Variants in HPS3 observed in about 807,000 individuals in gnomAD.
The protein encoded by HPS3 is BLOC-2 complex member HPS3.
A neutral mutation model predicts 110.9 loss-of-function variants in HPS3; 79 were observed. The observed-to-expected ratio is 0.71, with a 90% confidence interval of 0.59 to 0.86. The LOEUF (loss-of-function observed/expected upper bound fraction) is 0.86, where lower values mean the gene tolerates loss of function less well. HPS3 is among the 40% of genes least tolerant of loss of function. The pLI, the probability that HPS3 is intolerant of heterozygous loss-of-function variation, is 0.00. For synonymous variants in HPS3, 428 were observed against 451.0 expected, an observed-to-expected ratio of 0.95 and a Z score of 0.65; for missense variants, 1,197 against 1,206.2, an observed-to-expected ratio of 0.99 and a Z score of 0.11.
At chr3:149,155,452 C>G (rs1307756435) in intron 8 of HPS3, among the ~76,000 whole-genome samples, 1 of 152,134 alleles carries the variant, frequency 6.6e-6, no homozygotes, top group Non-Finnish European at 1.5e-5. Flanking sequence ...ACCCACTCTC[C>G]TAAGAAGATC....
intron 16 of HPS3, 73 bp from the exon 17 acceptor site, chr3:149,172,022 G>A: frequency 6.7e-7 from 1 of 1,498,046 alleles, no homozygotes; most frequent in East Asian, 2.3e-5. Context: ...GCTTCTAATT[G>A]GTTGGTTAAG....
Position 149,129,712 on chromosome 3 carries a change from C to T in HPS3, c.-12C>T. On this transcript the variant is annotated 5_prime_UTR_variant, in exon 1 of 17. Coordinates refer to ENST00000296051, the MANE Select transcript of HPS3 (RefSeq NM_032383.5). Reference sequence around the variant, plus strand: ...AGGGCGGGCAGGCTGTGCCATCCCGCCGGACGTCGGGATGGTGCAGCTGTA... The same window carrying T: ...AGGGCGGGCAGGCTGTGCCATCCCGTCGGACGTCGGGATGGTGCAGCTGTA... The T allele has an allele frequency of 6.4e-7, 1 of 1,568,664 alleles. No homozygotes were observed. The highest frequency in any genetic ancestry group is 8.6e-7 in the Non-Finnish European group (1 of 1,158,890).
intron 14 of HPS3, among the ~76,000 whole-genome samples, chr3:149,165,248 A>G (rs929802798): frequency 1.3e-5 from 2 of 152,198 alleles, no homozygotes; most frequent in Non-Finnish European, 2.9e-5. Context: ...GATCATACAC[A>G]CTAATTACAT....
rs1189093183 is a variant in HPS3, at chr3:149,129,710, C to T, written c.-14C>T. On this transcript the variant is annotated 5_prime_UTR_variant, in exon 1 of 17. Transcript: ENST00000296051. ...GCAGGGCGGGCAGGCTGTGCCATCC[C>T]GCCGGACGTCGGGATGGTGCAGCTG... is the stretch of plus-strand genomic sequence containing the variant. 2.6e-6 allele frequency: 4 copies of T among 1,566,234 alleles called. No homozygotes were observed. The highest frequency in any genetic ancestry group is 1.7e-5 in the Admixed American group (1 of 57,224).
At position 149,141,200 on chromosome 3, in the gene HPS3, C is replaced by CCTTTT; in HGVS notation, c.884+12_884+13insCTTTT. On this transcript the variant is annotated intron_variant, in intron 3 of 16. Transcript: ENST00000296051. ...CACCTGCTCTATAGGTATTATAGTG[C>CCTTTT]TTTTTTTTTTTTTACCAGCATTTTA... 1.3e-6 allele frequency: 2 copies of CCTTTT among 1,525,378 alleles called. No individual in the cohort carries two copies. Among genetic ancestry groups the CCTTTT allele is most frequent in the Non-Finnish European group, 9.0e-7 (1 of 1,116,482 alleles). 94.5% of individuals were successfully genotyped at this position (1,525,378 alleles called of 1,614,324 possible).
intron 1 of HPS3, among the ~76,000 whole-genome samples, chr3:149,135,248 C>CT (rs1559905772): frequency 6.6e-6 from 1 of 152,146 alleles, no homozygotes; most frequent in Non-Finnish European, 1.5e-5. Flanking sequence ...ATGGGGACCT[C>CT]TGACATCGTC....
At chr3:149,147,902 C>G (rs573178196) in intron 5 of HPS3, among the ~76,000 whole-genome samples, 7 of 152,132 alleles carry the variant, frequency 4.6e-5, no homozygotes, top group Non-Finnish European at 7.4e-5. Context: ...CGGAGTTTCT[C>G]TTTTGTTGCC....
chr3:149,142,856 A>T (rs1722559690), intron 4 of HPS3, among the ~76,000 whole-genome samples: 1 of 152,136 alleles, frequency 6.6e-6, no homozygotes, highest in Non-Finnish European at 1.5e-5. Context: ...GTGACAGCCT[A>T]TAACAAAAGA....
At position 149,160,109 on chromosome 3, in the gene HPS3, C is replaced by G. The variant is rs767654406; in HGVS notation, c.1936C>G (p.Leu646Val). The G allele has an allele frequency of 1.2e-6, 2 of 1,613,836 alleles. No homozygotes were observed. Among genetic ancestry groups the G allele is most frequent in the Non-Finnish European group, 1.7e-6 (2 of 1,179,890 alleles). Reference sequence around the variant, plus strand: ...TGAGCCAAAGCAAGTGCCCCATATTCTCTGTAGTCCTTCTATGAAGAATAT... The same window carrying G: ...TGAGCCAAAGCAAGTGCCCCATATTGTCTGTAGTCCTTCTATGAAGAATAT... The part of the protein sequence containing the change: ...VAEPKQVPHI[L>V]CSPSMKNINP... The change falls in exon 11 of 17, where the codon CTC becomes GTC. Residue 646 changes from leucine (L) to valine (V), a missense_variant. Transcript: ENST00000296051.
At chr3:149,159,742 T>C (rs1723672402) in intron 10 of HPS3, among the ~76,000 whole-genome samples, 1 of 152,224 alleles carries the variant, frequency 6.6e-6, no homozygotes, top group Non-Finnish European at 1.5e-5. Flanking sequence ...ATTTTTATTG[T>C]CATTCAATCA....
rs919099361 is a variant in HPS3 at position 149,137,363 on chromosome 3, C to T, written c.218-2641C>T. Among the ~76,000 whole-genome samples, 9 of 152,126 alleles carry T rather than the reference C, an allele frequency of 5.9e-5. No homozygotes were observed. In the East Asian group the frequency reaches 7.7e-4, roughly 13 times the overall value. ...ATGTGGAGAAATTGGAACCCTTAAACGTTGCTGGTAGGAATGTAAAATAAC... is the reference window on the plus strand; with the variant it reads ...ATGTGGAGAAATTGGAACCCTTAAATGTTGCTGGTAGGAATGTAAAATAAC... On this transcript the variant is annotated intron_variant, in intron 1 of 16. Coordinates refer to ENST00000296051, the MANE Select transcript of HPS3 (RefSeq NM_032383.5).
At chr3:149,167,784 A>G (rs1318863166) in intron 15 of HPS3, 109 bp from the exon 16 acceptor site, 1 of 745,956 alleles carries the variant, frequency 1.3e-6, no homozygotes, top group African/African-American at 1.7e-5. Context: ...GCCTTAGACA[A>G]AATGATGTAT....
intron 1 of HPS3, among the ~76,000 whole-genome samples, chr3:149,136,250 C>T (rs900850018): frequency 4.3e-4 from 65 of 151,958 alleles, no homozygotes; most frequent in African/African-American, 1.4e-3. Context: ...AGTGTGGTGG[C>T]TCACACCTGT....
At chr3:149,157,150 T>C (rs1481515984) in intron 8 of HPS3, among the ~76,000 whole-genome samples, 200 bp from the exon 9 acceptor site, 1 of 152,218 alleles carries the variant, frequency 6.6e-6, no homozygotes, top group Non-Finnish European at 1.5e-5. Flanking sequence ...CATGTATGTA[T>C]TAAACTGGCT....
At chr3:149,165,465 G>C (rs1724320800) in intron 14 of HPS3, among the ~76,000 whole-genome samples, 1 of 147,300 alleles carries the variant, frequency 6.8e-6, no homozygotes, top group African/African-American at 2.5e-5. Flanking sequence ...GAGAAACATA[G>C]TCTGCCTAAA....
intron 14 of HPS3, 88 bp from the exon 15 acceptor site, chr3:149,166,946 G>A (rs1559926779): frequency 2.0e-6 from 2 of 1,005,530 alleles, no homozygotes; most frequent in Non-Finnish European, 3.2e-6. Flanking sequence ...TGGCAAGTGA[G>A]GTTTAGTCTT....
intron 10 of HPS3, 35 bp downstream of exon 10, chr3:149,158,881 T>C (rs1723621131): frequency 7.1e-7 from 1 of 1,411,358 alleles, no homozygotes; most frequent in African/African-American, 1.4e-5. Context: ...TCTAATATTT[T>C]TAACATTTCA....
At chr3:149,158,165 G>T (rs1723569836) in intron 9 of HPS3, among the ~76,000 whole-genome samples, 1 of 152,142 alleles carries the variant, frequency 6.6e-6, no homozygotes, top group South Asian at 2.1e-4. Context: ...TTTTATTTTT[G>T]AGAGTAATGT....
intron 1 of HPS3, among the ~76,000 whole-genome samples, chr3:149,137,223 A>C (rs1206963537): frequency 6.6e-6 from 1 of 152,210 alleles, no homozygotes; most frequent in Admixed American, 6.5e-5. Flanking sequence ...ATAAGAAAAG[A>C]TGCTCAAAAT....
Sources: allele counts gnomAD v4.1 joint callset (sites outside exome capture counted in the v4.1 genomes callset), GRCh38; gene constraint gnomAD v4.1.1; transcripts MANE v1.5; gene names NCBI Gene and HGNC (gene_info 2026-07-23, HGNC 2026-07-21).